AFF3: variants seen among roughly 807,000 people sequenced by gnomAD.
AFF3 encodes ALF transcription elongation factor 3.
A neutral mutation model predicts 129.7 loss-of-function variants in AFF3; 32 were observed. The ratio of observed to expected loss-of-function variants is 0.25; its 90% CI spans 0.19 to 0.33. The LOEUF (loss-of-function observed/expected upper bound fraction) is 0.33. AFF3 is among the 10% of genes least tolerant of loss of function. AFF3 has a pLI of 1.00. For missense variants in AFF3, 1,373 were observed against 1,592.0 expected (o/e 0.86, Z 2.34); for synonymous variants, 644 against 635.4 (o/e 1.01, Z -0.20).
Position 100,006,943 on chromosome 2 carries a change from T to C in AFF3, c.562A>G (p.Asn188Asp). ...TGGGTCTGAAGGCCCACCTCCACAT[T>C]GCACACTTGTTTGGCCCGAGGCTGC... ...RQQPRAKQVC[N>D]VEVGLQTQER... The change falls in exon 7 of 25, where the codon AAT becomes GAT. Residue 188 changes from asparagine (N) to aspartate (D), a missense_variant. Physicochemically the swap from Asn to Asp is conservative, Grantham distance 23. This residue lies in a region of AFF3 where 255 missense variants were observed against 256.0 expected (regional missense o/e 1.00). Coordinates refer to ENST00000672756, the MANE Select transcript of AFF3 (RefSeq NM_001386135.1). 1.9e-6 allele frequency: 3 copies of C among 1,614,178 alleles called. No homozygotes were observed. Among genetic ancestry groups the C allele is most frequent in the Non-Finnish European group, 2.5e-6 (3 of 1,180,038 alleles).
At chr2:99,852,504 C>A (rs751181643) in intron 7 of AFF3, among the ~76,000 whole-genome samples, 31 of 152,114 alleles carry the variant, frequency 2.0e-4, no homozygotes, top group Non-Finnish European at 3.1e-4. Flanking sequence ...TGCAAGAATT[C>A]TAGTTTCTAG....
chr2:99,734,330 T>A (rs1408893839), intron 10 of AFF3, among the ~76,000 whole-genome samples: 1 of 151,380 alleles, frequency 6.6e-6, no homozygotes, highest in East Asian at 1.9e-4. Flanking sequence ...CAATATAATT[T>A]GAGAAAATGA....
intron 13 of AFF3, among the ~76,000 whole-genome samples, chr2:99,613,577 T>G (rs1044942283): frequency 5.3e-5 from 8 of 152,206 alleles, no homozygotes; most frequent in African/African-American, 1.9e-4. Context: ...AAATTTTTCC[T>G]CTTTCTTCAT....
intron 2 of AFF3, chr2:100,107,582 T>TGA: frequency 1.2e-6 from 1 of 859,978 alleles, no homozygotes. Flanking sequence ...CCCACATGGA[T>TGA]GCAAGCAACA....
intron 10 of AFF3, among the ~76,000 whole-genome samples, chr2:99,741,471 T>C (rs563877719): frequency 1.1e-4 from 17 of 152,214 alleles, no homozygotes; most frequent in Admixed American, 7.9e-4. Flanking sequence ...CATTCACAAT[T>C]GCTTGAAAGA....
intron 2 of AFF3, chr2:100,106,133 A>G: frequency 1.6e-6 from 2 of 1,246,086 alleles, no homozygotes; most frequent in South Asian, 1.4e-5. Context: ...GGATTTGAGA[A>G]TGCTCAGCCT....
At chr2:99,801,948 G>A (rs560943391) in intron 8 of AFF3, among the ~76,000 whole-genome samples, 5 of 152,232 alleles carry the variant, frequency 3.3e-5, no homozygotes, top group African/African-American at 9.6e-5. Context: ...GCATGCATAT[G>A]CAGGTTTTTA....
intron 7 of AFF3, among the ~76,000 whole-genome samples, chr2:99,958,520 C>T (rs1043594034): frequency 6.7e-6 from 1 of 150,360 alleles, no homozygotes; most frequent in Admixed American, 6.6e-5. Flanking sequence ...CAATGCGACA[C>T]AATTCAATAA....
chr2:100,139,061 T>C (rs1365092109), intron 1 of AFF3, among the ~76,000 whole-genome samples: 2 of 151,826 alleles, frequency 1.3e-5, no homozygotes, highest in African/African-American at 2.4e-5. Context: ...CAATTTATCA[T>C]CAAAGGGGCA....
intron 13 of AFF3, among the ~76,000 whole-genome samples, chr2:99,646,042 T>G (rs1405406564): frequency 1.3e-5 from 2 of 152,186 alleles, no homozygotes; most frequent in African/African-American, 4.8e-5. Context: ...ATCTCAAGGC[T>G]TTGAAGTTGG....
intron 7 of AFF3, among the ~76,000 whole-genome samples, chr2:99,902,689 T>C (rs1435733367): frequency 6.6e-6 from 1 of 152,334 alleles, no homozygotes; most frequent in East Asian, 1.9e-4. Flanking sequence ...CAGACTTTCA[T>C]AATTGGATTT....
intron 4 of AFF3, among the ~76,000 whole-genome samples, chr2:100,068,866 T>C (rs949041740): frequency 4.6e-5 from 7 of 152,194 alleles, no homozygotes; most frequent in Admixed American, 3.3e-4. Context: ...TTCCAGACTA[T>C]GAGGTGGAGA....
intron 4 of AFF3, among the ~76,000 whole-genome samples, chr2:100,060,749 C>T (rs72819169): frequency 1.1e-3 from 169 of 152,244 alleles, no homozygotes; most frequent in Non-Finnish European, 1.9e-3. Context: ...GACATTACTA[C>T]GTACATCTGT....
rs571505416 is a variant in AFF3, at chr2:99,563,593, C to T, written c.3119+1894G>A. Among the ~76,000 whole-genome samples, 3 of 151,280 alleles carry T rather than the reference C, an allele frequency of 2.0e-5. No homozygotes were observed. The South Asian group carries it at 6.3e-4, about 32-fold the overall frequency. ...TGGGAGGCCGAAGCAGGCAGAGCACCTGAGGTCAGGAGTTCAAGACCATCC... is the reference window on the plus strand; with the variant it reads ...TGGGAGGCCGAAGCAGGCAGAGCACTTGAGGTCAGGAGTTCAAGACCATCC... On this transcript the variant is annotated intron_variant, in intron 20 of 24. Coordinates refer to ENST00000672756, the MANE Select transcript of AFF3 (RefSeq NM_001386135.1).
chr2:99,878,959 C>T (rs1043283440), intron 7 of AFF3, among the ~76,000 whole-genome samples: 1 of 152,002 alleles, frequency 6.6e-6, no homozygotes. Flanking sequence ...CTAGATAACC[C>T]TAAGGCCACA....
rs755350717 is a variant in AFF3 at position 100,006,908 on chromosome 2, T to C, written c.597A>G (p.Pro199=). The change falls in exon 7 of 25, where the codon CCA becomes CCG. Residue 199 remains proline (P), a synonymous_variant. Transcript: ENST00000672756. ...VEVGLQTQER[P]PAMAAKHSSS... ...TGCTGTGCTTGGCCGCCATGGCAGG[T>C]GGCCTCTCCTGGGTCTGAAGGCCCA... 1 of 1,613,500 alleles carries C rather than the reference T, an allele frequency of 6.2e-7. No individual in the cohort carries two copies. Among genetic ancestry groups the C allele is most frequent in the Non-Finnish European group, 8.5e-7 (1 of 1,179,984 alleles).
chr2:99,763,035 C>T (rs1404889658), intron 8 of AFF3, among the ~76,000 whole-genome samples: 1 of 152,254 alleles, frequency 6.6e-6, no homozygotes, highest in Non-Finnish European at 1.5e-5. Context: ...GCTAATGCCA[C>T]TGTACCTGGT....
chr2:99,957,575 G>A (rs563368374), intron 7 of AFF3, among the ~76,000 whole-genome samples: 45 of 152,310 alleles, frequency 3.0e-4, no homozygotes, highest in African/African-American at 1.1e-3. Flanking sequence ...GAGCACTCAC[G>A]AGGCAGCACA....
At chr2:99,670,590 C>T (rs1448595304) in intron 12 of AFF3, among the ~76,000 whole-genome samples, 1 of 151,908 alleles carries the variant, frequency 6.6e-6, no homozygotes, top group Admixed American at 6.6e-5. Context: ...CGGGATAAAG[C>T]ATAGTTTGGT....
Sources: allele counts gnomAD v4.1 joint callset (sites outside exome capture counted in the v4.1 genomes callset), GRCh38; gene constraint gnomAD v4.1.1; regional missense constraint gnomAD v4.1.1; transcripts MANE v1.5; gene names NCBI Gene and HGNC (gene_info 2026-07-23, HGNC 2026-07-21).